Variants in NCOA1 observed in about 807,000 individuals in gnomAD.
NCOA1 encodes the protein nuclear receptor coactivator 1.
Under a neutral mutation model 150.9 loss-of-function variants are expected in NCOA1, and 35 were observed. That is an observed-to-expected ratio of 0.23 (90% CI 0.18 to 0.31). The LOEUF is 0.31. Among genes scored for constraint, NCOA1 ranks in the 10% least tolerant of loss-of-function variants. The pLI is 1.00. For missense variants in NCOA1, 1,491 were observed against 1,749.3 expected (o/e 0.85, Z 2.63); for synonymous variants, 590 against 630.0 (o/e 0.94, Z 0.95).
At chr2:24,666,246 C>A (rs1572563484) in intron 6 of NCOA1, among the ~76,000 whole-genome samples, 2 of 151,892 alleles carry the variant, frequency 1.3e-5, no homozygotes, top group South Asian at 4.1e-4. Context: ...AATCTCCTGA[C>A]CTCGTGATCC....
At chr2:24,608,643 T>C (rs534037836) in intron 3 of NCOA1, among the ~76,000 whole-genome samples, 3 of 151,750 alleles carry the variant, frequency 2.0e-5, no homozygotes, top group Non-Finnish European at 4.4e-5. Context: ...CTCACTGAAC[T>C]TGACACCTTA....
At chr2:24,697,041 T>G (rs145150104) in intron 10 of NCOA1, among the ~76,000 whole-genome samples, 240 of 152,286 alleles carry the variant, frequency 1.6e-3, no homozygotes, top group Middle Eastern at 3.4e-3. Context: ...GAAATTTGTT[T>G]AAATATGATA....
chr2:24,576,149 G>GTTTTTTTTTGTTTGTTTTT (rs1666947727), intron 2 of NCOA1, among the ~76,000 whole-genome samples: 2 of 94,026 alleles, frequency 2.1e-5, no homozygotes, highest in African/African-American at 9.0e-5. Context: ...TTTGGCCTTT[G>GTTTTTTTTTGTTTGTTTTT]TTTTTTTTTT....
intron 3 of NCOA1, among the ~76,000 whole-genome samples, chr2:24,639,258 T>TA (rs1401657721): frequency 6.6e-6 from 1 of 152,120 alleles, no homozygotes; most frequent in Non-Finnish European, 1.5e-5. Flanking sequence ...TACAGTCTGT[T>TA]TCTTTCTGTG....
intron 14 of NCOA1, among the ~76,000 whole-genome samples, chr2:24,713,124 G>A (rs1410911798): frequency 6.6e-6 from 1 of 152,050 alleles, no homozygotes; most frequent in Non-Finnish European, 1.5e-5. Context: ...CCAGCTACTT[G>A]GGAGGCTGAG....
At chr2:24,554,777 T>A (rs1458974460) in intron 1 of NCOA1, among the ~76,000 whole-genome samples, 1 of 152,148 alleles carries the variant, frequency 6.6e-6, no homozygotes, top group African/African-American at 2.4e-5. Flanking sequence ...TCTTTAAGAA[T>A]GGCAACCATG....
At chr2:24,752,257 G>A (rs971967455) in intron 20 of NCOA1, 101 bp downstream of exon 20, 1 of 1,343,616 alleles carries the variant, frequency 7.4e-7, no homozygotes, top group Non-Finnish European at 1.0e-6. Context: ...ATTATGTAAA[G>A]TGAAAGAAGG....
chr2:24,759,112 G>A (rs528394759), intron 21 of NCOA1, among the ~76,000 whole-genome samples: 2 of 152,272 alleles, frequency 1.3e-5, no homozygotes, highest in Admixed American at 1.3e-4. Context: ...AGTACTTACT[G>A]TGTACAAAGA....
intron 17 of NCOA1, among the ~76,000 whole-genome samples, chr2:24,735,193 A>G (rs1029568343): frequency 6.6e-6 from 1 of 152,234 alleles, no homozygotes; most frequent in Non-Finnish European, 1.5e-5. Context: ...AAAAGACACC[A>G]TAAGCAAGGT....
intron 13 of NCOA1, among the ~76,000 whole-genome samples, chr2:24,710,414 T>C (rs558135934): frequency 2.6e-5 from 4 of 152,310 alleles, no homozygotes; most frequent in East Asian, 1.9e-4. Context: ...CTAAAAGATA[T>C]GTTTCTTATT....
intron 14 of NCOA1, among the ~76,000 whole-genome samples, chr2:24,720,794 C>T (rs1674324539): frequency 6.6e-6 from 1 of 152,184 alleles, no homozygotes; most frequent in African/African-American, 2.4e-5. Context: ...CTCTGCCCCA[C>T]TCTTACCTCT....
intron 1 of NCOA1, among the ~76,000 whole-genome samples, chr2:24,527,574 G>T (rs78602006): frequency 2.0e-5 from 3 of 152,200 alleles, no homozygotes; most frequent in African/African-American, 7.2e-5. Context: ...ATTAATGGAC[G>T]ACTAGTTTGT....
chr2:24,664,492 T>C (rs1671323071), intron 5 of NCOA1, among the ~76,000 whole-genome samples: 2 of 152,166 alleles, frequency 1.3e-5, no homozygotes, highest in Middle Eastern at 3.4e-3. Flanking sequence ...GGGCGGATCA[T>C]GAGGTCGAGA....
intron 1 of NCOA1, among the ~76,000 whole-genome samples, chr2:24,494,113 G>A (rs1663094854): frequency 6.6e-6 from 1 of 152,188 alleles, no homozygotes; most frequent in Admixed American, 6.5e-5. Context: ...CTAATCCAGT[G>A]AGCGGTCTTC....
At chr2:24,524,206 T>C (rs1464079670) in intron 1 of NCOA1, among the ~76,000 whole-genome samples, 10 of 152,214 alleles carry the variant, frequency 6.6e-5, no homozygotes, top group Admixed American at 5.9e-4. Context: ...CCGGTTAGGC[T>C]AAGAGGTTAT....
At chr2:24,654,898 C>A (rs1038015416) in intron 4 of NCOA1, among the ~76,000 whole-genome samples, 1 of 152,144 alleles carries the variant, frequency 6.6e-6, no homozygotes. Flanking sequence ...TCCCTTACCC[C>A]CTTCTTACCT....
At chr2:24,595,933 C>T (rs1258845740) in intron 3 of NCOA1, among the ~76,000 whole-genome samples, 1 of 151,994 alleles carries the variant, frequency 6.6e-6, no homozygotes, top group Non-Finnish European at 1.5e-5. Context: ...ATATGGAAGC[C>T]CCTGTAGTTG....
At chr2:24,543,802 G>A (rs1278985188) in intron 1 of NCOA1, among the ~76,000 whole-genome samples, 1 of 152,134 alleles carries the variant, frequency 6.6e-6, no homozygotes, top group Non-Finnish European at 1.5e-5. Flanking sequence ...AGCCCTGAAA[G>A]CAATGTTAGG....
At chr2:24,581,389 C>T (rs1183055413) in intron 2 of NCOA1, among the ~76,000 whole-genome samples, 6 of 152,282 alleles carry the variant, frequency 3.9e-5, no homozygotes, top group East Asian at 1.9e-4. Context: ...TTATTACAGC[C>T]GGAGGAGAGC....
Sources: allele counts gnomAD v4.1 joint callset (sites outside exome capture counted in the v4.1 genomes callset), GRCh38; gene constraint gnomAD v4.1.1; transcripts MANE v1.5; gene names NCBI Gene and HGNC (gene_info 2026-07-23, HGNC 2026-07-21).